NLRP1: variants seen among roughly 807,000 people sequenced by gnomAD.
NLRP1 encodes the protein NACHT, LRR and PYD domains-containing protein 1.
Under a neutral mutation model 136.7 loss-of-function variants are expected in NLRP1, and 94 were observed. The ratio of observed to expected loss-of-function variants is 0.69; its 90% CI spans 0.58 to 0.82. NLRP1 has a LOEUF of 0.82. Among genes scored for constraint, NLRP1 ranks in the 40% least tolerant of loss-of-function variants. The probability of loss-of-function intolerance (pLI) is 0.00; values close to 1 mark genes in which losing one functional copy is unlikely to be tolerated. For missense variants in NLRP1, 1,575 were observed against 1,802.7 expected, an observed-to-expected ratio of 0.87 and a Z score of 2.29; for synonymous variants, 690 against 725.1, an observed-to-expected ratio of 0.95 and a Z score of 0.78.
In NLRP1 at chr17:5,537,931, G is replaced by A. The variant is rs1025103537; in HGVS notation, c.2871-991C>T. On this transcript the variant is annotated intron_variant, in intron 7 of 16. Transcript: ENST00000572272. The surrounding 1 kb of genome is among the most constrained non-coding windows in gnomAD (Gnocchi z 4.5). ...TACTCAGTGGGGAGCAGCAGGCTGG[G>A]GTGCAAAGGTGCTGCCCCCTTGGGA... Among the ~76,000 whole-genome samples, 1 of 152,208 alleles carries A rather than the reference G, an allele frequency of 6.6e-6. No individual in the cohort carries two copies. Among genetic ancestry groups the A allele is most frequent in the Non-Finnish European group, 1.5e-5 (1 of 68,038 alleles).
intron 3 of NLRP1, among the ~76,000 whole-genome samples, chr17:5,560,699 C>T (rs1193108323): frequency 1.3e-5 from 2 of 152,322 alleles, no homozygotes; most frequent in East Asian, 1.9e-4. Flanking sequence ...CCCAGACAAC[C>T]GCAGCAGCAT....
chr17:5,580,246 C>A (rs141518481), intron 3 of NLRP1, among the ~76,000 whole-genome samples: 2,694 of 151,808 alleles, frequency 0.018, 72 homozygotes, highest in African/African-American at 0.062. Context: ...AAACAAAACA[C>A]AACAAAAAAC....
chr17:5,562,601 TGAA>T (rs1914886146), intron 3 of NLRP1, among the ~76,000 whole-genome samples: 1 of 152,098 alleles, frequency 6.6e-6, no homozygotes, highest in African/African-American at 2.4e-5. Flanking sequence ...TACTGAAACA[TGAA>T]GAACCACGCA....
chr17:5,528,773 A>G (rs1048763711), intron 12 of NLRP1, among the ~76,000 whole-genome samples: 10 of 152,230 alleles, frequency 6.6e-5, no homozygotes, highest in African/African-American at 2.2e-4. Context: ...ATACTACAAC[A>G]TATCAACTAA....
At chr17:5,501,900 G>C in intron 15 of NLRP1, 1 of 1,605,376 alleles carries the variant, frequency 6.2e-7, no homozygotes, top group Non-Finnish European at 8.5e-7. Context: ...CAATCACTTG[G>C]ATTTATTTGA....
rs759491315 is a variant in NLRP1, at chr17:5,530,502, G to C, written c.3499C>G (p.Pro1167Ala). The change falls in exon 12 of 17, where the codon CCT becomes GCT. Residue 1167 changes from proline (P) to alanine (A), a missense_variant. By Grantham distance (27) the Pro-to-Ala change is conservative. Transcript: ENST00000572272. The stretch of plus-strand genomic sequence containing the variant: ...TTACCTTGGAGAGCCACAAAGTGAG[G>C]GAGGTGCACAGCTTCCACAGCTCCA... ...EPGAVEAVHL[P>A]HFVALQGGHV... 1 of 1,614,020 alleles carries C rather than the reference G, an allele frequency of 6.2e-7. No homozygotes were observed. The highest frequency in any genetic ancestry group is 8.5e-7 in the Non-Finnish European group (1 of 1,179,944).
At chr17:5,523,989 T>A (rs1336586897) in intron 12 of NLRP1, among the ~76,000 whole-genome samples, 1 of 152,196 alleles carries the variant, frequency 6.6e-6, no homozygotes, top group Non-Finnish European at 1.5e-5. Flanking sequence ...AGTGGTGTGA[T>A]CTTGGCTCAC....
chr17:5,528,152 G>A (rs1336466546), intron 12 of NLRP1, among the ~76,000 whole-genome samples: 56 of 152,212 alleles, frequency 3.7e-4, no homozygotes, highest in Admixed American at 3.7e-3. Flanking sequence ...CTACGACAGA[G>A]CTGAGCCCAC....
rs1424762727 is a variant in NLRP1, at chr17:5,583,969, A to C, written c.-12T>G. ...GCTCCGCCAGCCATCTCTGTCCCGG[A>C]GTTAAGAGGGTGTCTGGGGGATGTT... On this transcript the variant is annotated 5_prime_UTR_variant, in exon 1 of 17. Transcript: ENST00000572272. This position sits in a 1 kb window ranked among gnomAD's most constrained non-coding sequence, Gnocchi z 4.5. The C allele has an allele frequency of 2.5e-6, 4 of 1,605,634 alleles. No homozygotes were observed. Among genetic ancestry groups the C allele is most frequent in the Non-Finnish European group, 3.4e-6 (4 of 1,175,686 alleles).
chr17:5,533,265 G>A (rs201312349), intron 10 of NLRP1, 39 bp downstream of exon 10: 20 of 1,551,532 alleles, frequency 1.3e-5, no homozygotes, highest in African/African-American at 4.1e-5. Flanking sequence ...AGAGAACATG[G>A]TTCAAAAGAT....
At chr17:5,526,190 C>T (rs947588274) in intron 12 of NLRP1, among the ~76,000 whole-genome samples, 6 of 152,112 alleles carry the variant, frequency 3.9e-5, no homozygotes, top group African/African-American at 1.2e-4. Flanking sequence ...GTTGCCCAGG[C>T]TTGTCTCAGA....
rs773203911 is a variant in NLRP1, at chr17:5,558,916, G to A, written c.1780C>T (p.His594Tyr). ...GAGATGATGGCCCCATCTAACCCAT[G>A]CTTCCTGAGGTCATCTGGACTGAAA... ...TLFSPDDLRKHGLDGAIISTF... is the reference protein window; with the variant it reads ...TLFSPDDLRKYGLDGAIISTF... The change falls in exon 4 of 17, where the codon CAT (histidine) becomes TAT (tyrosine). Residue 594 changes from histidine (H) to tyrosine (Y), a missense_variant. His to Tyr is a moderately conservative substitution (Grantham distance 83). Coordinates refer to ENST00000572272, the MANE Select transcript of NLRP1 (RefSeq NM_033004.4). 16 of 1,614,144 alleles carry A rather than the reference G, an allele frequency of 9.9e-6. No individual in the cohort carries two copies. The highest frequency in any genetic ancestry group is 1.4e-5 in the Non-Finnish European group (16 of 1,180,012).
Position 5,583,664 on chromosome 17 carries a change from A to C in NLRP1, c.271+23T>G. 1 of 1,546,212 alleles carries C rather than the reference A, an allele frequency of 6.5e-7. No individual in the cohort carries two copies. Among genetic ancestry groups the C allele is most frequent in the Non-Finnish European group, 8.7e-7 (1 of 1,144,284 alleles). ...GAGGGCCAGGGGATGTCCCGCGGGC[A>C]GTGGGGTCCTCTGTCCACTCACCTG... On this transcript the variant is annotated intron_variant, in intron 1 of 16. Transcript: ENST00000572272. The surrounding 1 kb of genome is among the most constrained non-coding windows in gnomAD (Gnocchi z 4.5).
intron 3 of NLRP1, among the ~76,000 whole-genome samples, chr17:5,575,193 T>C (rs1313447689): frequency 6.6e-6 from 1 of 152,100 alleles, no homozygotes; most frequent in Non-Finnish European, 1.5e-5. Context: ...AGACCACCAA[T>C]GCTAGGAAGA....
In NLRP1 at chr17:5,546,818, G is replaced by C. The variant is rs148798954; in HGVS notation, c.2529-4791C>G. ...TACAATAGTTAGGACTTTGCTTGCG[G>C]GTCTTGGGTAGTCTGGCATCCAAGC... On this transcript the variant is annotated intron_variant, in intron 5 of 16. Coordinates refer to ENST00000572272, the MANE Select transcript of NLRP1 (RefSeq NM_033004.4). Among the ~76,000 whole-genome samples, 412 of 152,306 alleles carry C rather than the reference G, an allele frequency of 2.7e-3. 3 individuals carry two copies. Among genetic ancestry groups the C allele is most frequent in the African/African-American group, 9.2e-3 (383 of 41,572 alleles).
At chr17:5,552,084 C>CTTTTTTTTTTTTTTTTTTTTTT (rs71151872) in intron 5 of NLRP1, among the ~76,000 whole-genome samples, 2 of 96,672 alleles carry the variant, frequency 2.1e-5, no homozygotes, top group African/African-American at 5.3e-5. Context: ...TCTATCTTTC[C>CTTTTTTTTTTTTTTTTTTTTTT]TTTTTTTTTT....
At chr17:5,554,593 C>T (rs1246044231) in intron 4 of NLRP1, among the ~76,000 whole-genome samples, 2 of 152,122 alleles carry the variant, frequency 1.3e-5, no homozygotes, top group South Asian at 4.1e-4. Flanking sequence ...CCGTCTCCTC[C>T]GCTGCAAAAA....
At chr17:5,538,888 A>AATT (rs1203821726) in intron 7 of NLRP1, among the ~76,000 whole-genome samples, 1 of 151,966 alleles carries the variant, frequency 6.6e-6, no homozygotes, top group Non-Finnish European at 1.5e-5. Context: ...TTAATTAATT[A>AATT]ATTAATTTTT....
rs766692973 is a variant in NLRP1 at position 5,521,580 on chromosome 17, G to A, written c.3727C>T (p.Pro1243Ser). The change falls in exon 13 of 17, where the codon CCT becomes TCT. Residue 1243 changes from proline (P) to serine (S), a missense_variant. Coordinates refer to ENST00000572272, the MANE Select transcript of NLRP1 (RefSeq NM_033004.4). ...SVVLLYHRVH[P>S]EEVTFHLYLI... ...TAGAGGTGGAAGGTGACTTCCTCAG[G>A]ATGGACGCGGTGGTAAAGCAACACC... is the stretch of plus-strand genomic sequence containing the variant. 3 of 1,614,136 alleles carry A rather than the reference G, an allele frequency of 1.9e-6. No individual in the cohort carries two copies. The Admixed American group carries it at 5.0e-5, about 27-fold the overall frequency.
Sources: gnomAD v4.1 joint callset for allele counts (sites outside exome capture counted in the v4.1 genomes callset) on GRCh38, gnomAD v4.1.1 for gene constraint, Gnocchi (gnomAD v3.1) non-coding constraint, MANE v1.5 for transcripts, NCBI Gene and HGNC (gene_info 2026-07-23, HGNC 2026-07-21) for gene names.